Variants in GRIN2A observed in about 807,000 individuals in gnomAD.
GRIN2A encodes glutamate receptor ionotropic, NMDA 2A.
Under a neutral mutation model 113.4 loss-of-function variants are expected in GRIN2A, and 22 were observed. The ratio of observed to expected loss-of-function variants is 0.19; its 90% confidence interval spans 0.14 to 0.28. GRIN2A has a LOEUF of 0.28. Ranked by LOEUF, GRIN2A falls within the 10% of genes least tolerant of loss-of-function variation. GRIN2A has a pLI of 1.00. For missense variants in GRIN2A, 1,502 were observed against 1,887.0 expected, an observed-to-expected ratio of 0.80 and a Z score of 3.78; for synonymous variants, 827 against 738.4, an observed-to-expected ratio of 1.12 and a Z score of -1.94.
At chr16:9,819,921 CAAAAAAAAAAAAAAAA>C (rs71157787) in intron 10 of GRIN2A, among the ~76,000 whole-genome samples, 7 of 63,652 alleles carry the variant, frequency 1.1e-4, no homozygotes, top group African/African-American at 3.9e-4. Flanking sequence ...AACTCCGTCT[CAAAAAAAAAAAAAAAA>C]AAAAAAAAAA....
At chr16:9,821,122 C>G (rs1021851933) in intron 10 of GRIN2A, among the ~76,000 whole-genome samples, 3 of 151,932 alleles carry the variant, frequency 2.0e-5, no homozygotes, top group Non-Finnish European at 2.9e-5. Context: ...AATGGGCTTG[C>G]CGAACAGCCG....
At chr16:9,847,897 C>T (rs1399864463) in intron 5 of GRIN2A, among the ~76,000 whole-genome samples, 1 of 146,422 alleles carries the variant, frequency 6.8e-6, no homozygotes, top group East Asian at 2.0e-4. Flanking sequence ...TTCTCCAAAC[C>T]AAAACAGGCC....
chr16:9,776,020 C>T (rs1354402275), intron 11 of GRIN2A, among the ~76,000 whole-genome samples: 1 of 152,192 alleles, frequency 6.6e-6, no homozygotes, highest in Non-Finnish European at 1.5e-5. Flanking sequence ...CTTAAGCTTT[C>T]CTGTTCCGAG....
At chr16:9,919,208 C>T (rs1392674883) in intron 3 of GRIN2A, among the ~76,000 whole-genome samples, 1 of 152,046 alleles carries the variant, frequency 6.6e-6, no homozygotes, top group Non-Finnish European at 1.5e-5. Context: ...AAAAGATCAG[C>T]GATAGGGTAG....
intron 2 of GRIN2A, among the ~76,000 whole-genome samples, chr16:10,153,384 G>T (rs187770691): frequency 6.6e-6 from 1 of 152,162 alleles, no homozygotes; most frequent in Non-Finnish European, 1.5e-5. Context: ...GTGCTGGGGG[G>T]ACTCTACGAA....
chr16:10,046,618 G>A (rs1228119689), intron 2 of GRIN2A, among the ~76,000 whole-genome samples: 6 of 148,066 alleles, frequency 4.1e-5, no homozygotes, highest in Non-Finnish European at 7.5e-5. Flanking sequence ...TGGAGTCTGA[G>A]GCAAACAGCT....
chr16:10,089,467 C>CGT (rs1555477666), intron 2 of GRIN2A, among the ~76,000 whole-genome samples: 1 of 152,014 alleles, frequency 6.6e-6, no homozygotes, highest in African/African-American at 2.4e-5. Context: ...CAACGAGAAG[C>CGT]ATATGGTGGG....
chr16:9,878,215 C>T (rs181062068), intron 4 of GRIN2A, among the ~76,000 whole-genome samples: 1 of 152,246 alleles, frequency 6.6e-6, no homozygotes, highest in African/African-American at 2.4e-5. Flanking sequence ...GAAGAATGTT[C>T]CATATGACCG....
At chr16:10,155,638 G>T (rs2049675991) in intron 2 of GRIN2A, among the ~76,000 whole-genome samples, 3 of 152,172 alleles carry the variant, frequency 2.0e-5, no homozygotes, top group Admixed American at 2.0e-4. Context: ...TGATAATAAA[G>T]ACATATCGGA....
chr16:9,887,394 G>A (rs933819929), intron 4 of GRIN2A, among the ~76,000 whole-genome samples: 1 of 152,148 alleles, frequency 6.6e-6, no homozygotes, highest in Non-Finnish European at 1.5e-5. Flanking sequence ...GGGAACGTTT[G>A]CCTCCCTTGA....
chr16:9,832,667 C>T (rs554362172), intron 8 of GRIN2A, among the ~76,000 whole-genome samples: 1 of 152,112 alleles, frequency 6.6e-6, no homozygotes, highest in African/African-American at 2.4e-5. Flanking sequence ...CAGCACAAGC[C>T]CTGATTATGC....
At chr16:10,073,842 G>T (rs2047811666) in intron 2 of GRIN2A, among the ~76,000 whole-genome samples, 1 of 151,712 alleles carries the variant, frequency 6.6e-6, no homozygotes, top group Non-Finnish European at 1.5e-5. Flanking sequence ...CTTGAGCCTG[G>T]GAGGCGGAGG....
rs139804584 is a variant in GRIN2A at position 9,878,660 on chromosome 16, G to A, written c.1122+12326C>T. 7.2e-5 allele frequency among the ~76,000 whole-genome samples: 11 copies of A among 152,158 alleles called. No homozygotes were observed. In the South Asian group the frequency reaches 8.3e-4, roughly 12 times the overall value. ...CTTTATCATTAGTATCCCTATCAAC[G>A]TATGTTCCCATAGAGATGTCTTTTC... On this transcript the variant is annotated intron_variant, in intron 4 of 12. Coordinates refer to ENST00000330684, the MANE Select transcript of GRIN2A (RefSeq NM_001134407.3).
intron 2 of GRIN2A, among the ~76,000 whole-genome samples, chr16:10,061,790 G>A (rs557352850): frequency 6.6e-6 from 1 of 152,268 alleles, no homozygotes; most frequent in East Asian, 1.9e-4. Flanking sequence ...TCCAGTAAAT[G>A]TCACATATCA....
At chr16:9,835,280 G>A (rs1191033941) in intron 7 of GRIN2A, among the ~76,000 whole-genome samples, 5 of 152,160 alleles carry the variant, frequency 3.3e-5, no homozygotes, top group African/African-American at 9.7e-5. Context: ...AATAGTAGAT[G>A]GATAGATGGT....
At chr16:10,051,046 C>G (rs2047349850) in intron 2 of GRIN2A, among the ~76,000 whole-genome samples, 1 of 152,204 alleles carries the variant, frequency 6.6e-6, no homozygotes, top group Non-Finnish European at 1.5e-5. Flanking sequence ...CCCAGGCCCC[C>G]CATGTAGTTA....
At chr16:10,002,235 T>C (rs1483245248) in intron 2 of GRIN2A, among the ~76,000 whole-genome samples, 1 of 152,184 alleles carries the variant, frequency 6.6e-6, no homozygotes, top group Non-Finnish European at 1.5e-5. Flanking sequence ...TAACATCAGC[T>C]CAGTGCAAAT....
chr16:10,002,550 G>C (rs1024828197), intron 2 of GRIN2A, among the ~76,000 whole-genome samples: 1 of 152,176 alleles, frequency 6.6e-6, no homozygotes, highest in African/African-American at 2.4e-5. Context: ...CAGTAAGCCT[G>C]GAACTCCATG....
intron 2 of GRIN2A, among the ~76,000 whole-genome samples, chr16:10,025,248 A>G (rs548763999): frequency 1.3e-5 from 2 of 151,114 alleles, no homozygotes; most frequent in East Asian, 1.9e-4. Flanking sequence ...GGGTTTAACG[A>G]AAGGTTTTAT....
Sources: gnomAD v4.1 joint callset for allele counts (sites outside exome capture counted in the v4.1 genomes callset) on GRCh38, gnomAD v4.1.1 for gene constraint, MANE v1.5 for transcripts, NCBI Gene and HGNC (gene_info 2026-07-23, HGNC 2026-07-21) for gene names.